CAST: variants seen among roughly 807,000 people sequenced by gnomAD.
CAST encodes the protein calpastatin, also known as MIR583 host.
CAST carries 76 observed loss-of-function variants against 119.6 expected under a neutral mutation model. The observed-to-expected ratio is 0.64, with a 90% confidence interval of 0.53 to 0.77. CAST has a LOEUF of 0.77. Ranked by LOEUF, CAST falls within the 30% of genes least tolerant of loss-of-function variation. CAST has a pLI of 0.00. For synonymous variants in CAST, 319 were observed against 331.6 expected (o/e 0.96, Z 0.41); for missense variants, 953 against 946.5 (o/e 1.01, Z -0.09).
chr5:96,087,568 C>T, the CAST span, among the ~76,000 whole-genome samples: 5 of 152,104 alleles, frequency 3.3e-5, no homozygotes, highest in Non-Finnish European at 7.4e-5. Context: ...CCCTGGAATA[C>T]AATATGAAGA....
chr5:95,964,822 G>A, the CAST span, among the ~76,000 whole-genome samples: 3 of 151,584 alleles, frequency 2.0e-5, no homozygotes, highest in Non-Finnish European at 4.4e-5. Flanking sequence ...AGTAGCTATG[G>A]ATTAGATTTA....
At chr5:96,043,699 A>G in the CAST span, among the ~76,000 whole-genome samples, 1 of 152,116 alleles carries the variant, frequency 6.6e-6, no homozygotes, top group Non-Finnish European at 1.5e-5. Context: ...TTCAGAAGCA[A>G]CTTCCCCACT....
intron 1 of CAST, among the ~76,000 whole-genome samples, chr5:96,654,446 A>T (rs894527422): frequency 2.0e-5 from 3 of 152,200 alleles, no homozygotes; most frequent in African/African-American, 7.2e-5. Context: ...AAAGCAAAAA[A>T]ACCTCACGTG....
chr5:96,035,006 G>A, the CAST span, among the ~76,000 whole-genome samples: 9 of 141,060 alleles, frequency 6.4e-5, no homozygotes, highest in East Asian at 1.6e-3. Context: ...TTCTTCATCC[G>A]TTCATTCAAT....
At chr5:96,626,889 G>T (rs1268268961) in intron 1 of CAST, among the ~76,000 whole-genome samples, 2 of 152,276 alleles carry the variant, frequency 1.3e-5, no homozygotes, top group African/African-American at 2.4e-5. Context: ...GAGTTTGACG[G>T]CAGGTTTATG....
chr5:96,043,151 C>T, the CAST span, among the ~76,000 whole-genome samples: 1 of 152,102 alleles, frequency 6.6e-6, no homozygotes, highest in Non-Finnish European at 1.5e-5. Flanking sequence ...AGATTAAAAA[C>T]ACTAACTCAA....
the CAST span, among the ~76,000 whole-genome samples, chr5:95,998,488 A>G: frequency 6.6e-6 from 1 of 152,024 alleles, no homozygotes; most frequent in African/African-American, 2.4e-5. Flanking sequence ...CTTAGCTCCC[A>G]CTTATAAGCA....
At chr5:96,757,686 A>AT (rs762420221) in intron 24 of CAST, 32 bp downstream of exon 24, 143 of 1,219,904 alleles carry the variant, frequency 1.2e-4, no homozygotes, top group Non-Finnish European at 1.5e-4. Context: ...TTATTTCTTT[A>AT]GTTTTTTTTT....
chr5:96,531,207 T>C (rs1745682686), intron 1 of CAST, among the ~76,000 whole-genome samples: 1 of 152,156 alleles, frequency 6.6e-6, no homozygotes, highest in Non-Finnish European at 1.5e-5. Flanking sequence ...GGAAGAGTGA[T>C]TGAGTGTGAC....
chr5:96,080,734 T>C, the CAST span, among the ~76,000 whole-genome samples: 1 of 152,204 alleles, frequency 6.6e-6, no homozygotes, highest in Admixed American at 6.5e-5. Flanking sequence ...TTGCACATGT[T>C]GTTCCCTGTG....
At chr5:96,592,945 T>A (rs950513290) in intron 1 of CAST, among the ~76,000 whole-genome samples, 2 of 152,132 alleles carry the variant, frequency 1.3e-5, no homozygotes, top group Non-Finnish European at 2.9e-5. Context: ...TTTTGTATTT[T>A]TAGTAGAGAC....
chr5:96,201,213 A>C, the CAST span, among the ~76,000 whole-genome samples: 1 of 152,172 alleles, frequency 6.6e-6, no homozygotes, highest in Middle Eastern at 3.2e-3. Context: ...TTTTTCTTTA[A>C]CAAATATGCC....
At chr5:96,299,291 C>A in the CAST span, among the ~76,000 whole-genome samples, 2 of 120,454 alleles carry the variant, frequency 1.7e-5, no homozygotes, top group East Asian at 4.5e-4. Flanking sequence ...ACAACAACAA[C>A]AAACAAACAA....
chr5:96,360,579 G>A, the CAST span, among the ~76,000 whole-genome samples: 1 of 152,150 alleles, frequency 6.6e-6, no homozygotes, highest in Non-Finnish European at 1.5e-5. Context: ...CCTCCTGACG[G>A]TCAGGCTCCT....
intron 2 of CAST, among the ~76,000 whole-genome samples, chr5:96,682,022 T>C (rs530150490): frequency 3.4e-4 from 52 of 152,314 alleles, no homozygotes; most frequent in African/African-American, 1.2e-3. Flanking sequence ...AATTGTTATA[T>C]TTTATTATTA....
At chr5:96,594,774 T>C (rs1287190926) in intron 1 of CAST, among the ~76,000 whole-genome samples, 3 of 152,246 alleles carry the variant, frequency 2.0e-5, no homozygotes, top group Admixed American at 2.0e-4. Context: ...TTTTGTTTTC[T>C]ATGCACCACA....
the CAST span, among the ~76,000 whole-genome samples, chr5:96,300,834 ATTTTTTTTT>A: frequency 9.5e-5 from 5 of 52,464 alleles, no homozygotes; most frequent in African/African-American, 2.4e-4. Context: ...ATTCCTAAGC[ATTTTTTTTT>A]TTTTTTTTTT....
At chr5:96,028,093 A>G in the CAST span, among the ~76,000 whole-genome samples, 1 of 152,216 alleles carries the variant, frequency 6.6e-6, no homozygotes, top group East Asian at 1.9e-4. Context: ...TTTTATTCCA[A>G]ATTCTTTCAA....
chr5:96,200,427 C>T, the CAST span, among the ~76,000 whole-genome samples: 1 of 152,056 alleles, frequency 6.6e-6, no homozygotes, highest in African/African-American at 2.4e-5. Context: ...AAAAGTTGCC[C>T]TAGAACACTA....
Sources: gnomAD v4.1 joint callset for allele counts (sites outside exome capture counted in the v4.1 genomes callset) on GRCh38, gnomAD v4.1.1 for gene constraint, MANE v1.5 for transcripts, NCBI Gene and HGNC (gene_info 2026-07-23, HGNC 2026-07-21) for gene names.